Variants in SLC25A26 observed in about 807,000 individuals in gnomAD.
SLC25A26 encodes mitochondrial S-adenosylmethionine carrier protein.
Under a neutral mutation model 37.8 loss-of-function variants are expected in SLC25A26, and 36 were observed. That is an observed-to-expected ratio of 0.95 (90% CI 0.73 to 1.26). The LOEUF (loss-of-function observed/expected upper bound fraction) is 1.26. Among genes scored for constraint, SLC25A26 ranks in the 50% most tolerant of loss-of-function variants. The probability of loss-of-function intolerance (pLI) is 0.00; values close to 1 mark genes in which losing one functional copy is unlikely to be tolerated. For missense variants in SLC25A26, 390 were observed against 331.1 expected, an observed-to-expected ratio of 1.18 and a Z score of -1.38; for synonymous variants, 129 against 122.5, an observed-to-expected ratio of 1.05 and a Z score of -0.35.
At chr3:66,216,212 G>A (rs1032314564), upstream of SLC25A26, among the ~76,000 whole-genome samples, 14 of 152,204 alleles carry the variant, frequency 9.2e-5, no homozygotes, top group Admixed American at 5.9e-4. Flanking sequence ...AAATACTATC[G>A]TATTTTTCAA....
At chr3:66,362,142 A>C (rs945113343) in intron 6 of SLC25A26, among the ~76,000 whole-genome samples, 1 of 152,236 alleles carries the variant, frequency 6.6e-6, no homozygotes, top group Non-Finnish European at 1.5e-5. Flanking sequence ...GTTCTTAAAA[A>C]GTTAAACATA....
intron 5 of SLC25A26, among the ~76,000 whole-genome samples, chr3:66,275,065 G>A (rs921572644): frequency 7.9e-5 from 12 of 152,018 alleles, no homozygotes; most frequent in East Asian, 1.9e-4. Flanking sequence ...GGAATACTAC[G>A]CAGCCATAAA....
intron 1 of SLC25A26, among the ~76,000 whole-genome samples, chr3:66,142,856 T>C (rs540036491): frequency 1.3e-4 from 20 of 152,262 alleles, no homozygotes; most frequent in Non-Finnish European, 2.9e-5. Flanking sequence ...CCCAAATTCC[T>C]GGGCTCAAGC....
At chr3:66,333,212 C>A (rs527870385) in intron 5 of SLC25A26, among the ~76,000 whole-genome samples, 1 of 152,096 alleles carries the variant, frequency 6.6e-6, no homozygotes, top group Non-Finnish European at 1.5e-5. Context: ...TTTCTTTGGC[C>A]CAAGCAAATA....
At chr3:66,335,794 C>A (rs1458299303) in intron 5 of SLC25A26, among the ~76,000 whole-genome samples, 1 of 152,122 alleles carries the variant, frequency 6.6e-6, no homozygotes, top group Non-Finnish European at 1.5e-5. Flanking sequence ...ATAAATTGGT[C>A]CATGCTGCAT....
chr3:66,371,577 CAA>C (rs774465192), intron 9 of SLC25A26, among the ~76,000 whole-genome samples: 1 of 152,130 alleles, frequency 6.6e-6, no homozygotes, highest in Non-Finnish European at 1.5e-5. Context: ...GGTTTTGAAA[CAA>C]GAACTGGGGC....
intron 3 of SLC25A26, among the ~76,000 whole-genome samples, 188 bp downstream of exon 3, chr3:66,243,500 A>G (rs181971023): frequency 9.2e-5 from 14 of 152,336 alleles, no homozygotes; most frequent in Admixed American, 5.9e-4. Flanking sequence ...AGAGCCTTAT[A>G]TAGGACAGAA....
At chr3:66,307,194 A>T (rs1230745918) in intron 5 of SLC25A26, among the ~76,000 whole-genome samples, 1 of 152,204 alleles carries the variant, frequency 6.6e-6, no homozygotes, top group African/African-American at 2.4e-5. Flanking sequence ...AATGATCGTC[A>T]TTGTAACTGG....
chr3:66,195,584 G>T (rs2071032359), intron 1 of SLC25A26, among the ~76,000 whole-genome samples: 1 of 152,250 alleles, frequency 6.6e-6, no homozygotes, highest in African/African-American at 2.4e-5. Flanking sequence ...AGGCCCTCGG[G>T]CTAGCGTCTG....
intron 1 of SLC25A26, among the ~76,000 whole-genome samples, chr3:66,215,025 T>C (rs1184406145): frequency 2.0e-5 from 3 of 152,076 alleles, no homozygotes; most frequent in African/African-American, 7.2e-5. Context: ...CTTGGGAGGC[T>C]GAGGAAGGAG....
chr3:66,171,011 G>T (rs2070490520), intron 1 of SLC25A26, among the ~76,000 whole-genome samples: 1 of 151,282 alleles, frequency 6.6e-6, no homozygotes, highest in Admixed American at 6.6e-5. Flanking sequence ...CACCGTTTTA[G>T]CCGGGATGGT....
chr3:66,329,203 A>G (rs1466200459), intron 5 of SLC25A26, among the ~76,000 whole-genome samples: 1 of 152,186 alleles, frequency 6.6e-6, no homozygotes, highest in Non-Finnish European at 1.5e-5. Flanking sequence ...GTTCTCTGCA[A>G]AAGATTTTCC....
chr3:66,335,929 G>GTAGA (rs2076085076), intron 5 of SLC25A26, among the ~76,000 whole-genome samples: 1 of 152,142 alleles, frequency 6.6e-6, no homozygotes, highest in East Asian at 1.9e-4. Flanking sequence ...AGGAAGGAGA[G>GTAGA]TAGATGAGTA....
At chr3:66,287,438 C>G (rs782720) in intron 5 of SLC25A26, among the ~76,000 whole-genome samples, 54,026 of 151,978 alleles carry the variant, frequency 0.36, 11,158 homozygotes, top group East Asian at 0.64. Context: ...GTATCTTTCA[C>G]TTTTTTTCTG....
chr3:66,133,930 C>T (rs146424658), exon 1 of SLC25A26: 3 of 152,206 alleles, frequency 2.0e-5, no homozygotes, highest in African/African-American at 2.4e-5. Flanking sequence ...AATGAAAATG[C>T]GTACTACATA....
At chr3:66,268,167 T>G (rs1434234252) in intron 5 of SLC25A26, among the ~76,000 whole-genome samples, 3 of 152,256 alleles carry the variant, frequency 2.0e-5, no homozygotes, top group African/African-American at 7.2e-5. Context: ...AACCATTGTT[T>G]ATTTAACATT....
At chr3:66,362,965 G>C in intron 7 of SLC25A26, 36 bp downstream of exon 7, 1 of 1,369,722 alleles carries the variant, frequency 7.3e-7, no homozygotes, top group Non-Finnish European at 9.9e-7. Flanking sequence ...AAAGACCAAA[G>C]AGGGGGAAAA....
chr3:66,220,851 A>G, upstream of SLC25A26: 1 of 568,338 alleles, frequency 1.8e-6, no homozygotes, highest in Non-Finnish European at 3.1e-6. Context: ...CTGCTGCAGG[A>G]AACCGAGGTA....
At chr3:66,287,504 T>C (rs1042449826) in intron 5 of SLC25A26, among the ~76,000 whole-genome samples, 2 of 152,344 alleles carry the variant, frequency 1.3e-5, no homozygotes, top group South Asian at 2.1e-4. Context: ...TGTTAATATG[T>C]AGACAGTGGA....
Sources: allele counts gnomAD v4.1 joint callset (sites outside exome capture counted in the v4.1 genomes callset), GRCh38; gene constraint gnomAD v4.1.1; transcripts MANE v1.5; gene names NCBI Gene and HGNC (gene_info 2026-07-23, HGNC 2026-07-21).